The following ASPSCR1 variants were observed in gnomAD, a reference collection of about 807,000 sequenced individuals.
The protein encoded by ASPSCR1 is ASPSCR1 tether for SLC2A4, UBX domain containing.
ASPSCR1 carries 55 observed loss-of-function variants against 68.9 expected under a neutral mutation model. The ratio of observed to expected loss-of-function variants is 0.80; its 90% CI spans 0.64 to 1.00. The LOEUF is 1.00. Among genes scored for constraint, ASPSCR1 ranks in the 50% least tolerant of loss-of-function variants. The pLI, the probability that ASPSCR1 is intolerant of heterozygous loss-of-function variation, is 0.00. For synonymous variants in ASPSCR1, 352 were observed against 332.6 expected, an observed-to-expected ratio of 1.06 and a Z score of -0.63; for missense variants, 765 against 762.2, an observed-to-expected ratio of 1.00 and a Z score of -0.04.
intron 2 of ASPSCR1, among the ~76,000 whole-genome samples, chr17:81,980,996 C>A (rs539716218): frequency 6.6e-6 from 1 of 152,236 alleles, no homozygotes; most frequent in South Asian, 2.1e-4. Flanking sequence ...GAGACCCTGT[C>A]TCTACAAAAA....
chr17:82,013,607 GGCTGCCT>G (rs1251562519), intron 12 of ASPSCR1: 2 of 152,260 alleles, frequency 1.3e-5, no homozygotes, highest in Non-Finnish European at 2.9e-5. Context: ...GCCCCACTCC[GGCTGCCT>G]GCTGCCTGGG....
intron 4 of ASPSCR1, among the ~76,000 whole-genome samples, chr17:81,992,498 G>A (rs2042202586): frequency 6.6e-6 from 1 of 152,236 alleles, no homozygotes; most frequent in South Asian, 2.1e-4. Flanking sequence ...GCCGGGGAAG[G>A]ACTGTGAGTT....
chr17:81,983,140 C>G lies in ASPSCR1; in HGVS notation c.159-414C>G, dbSNP rs999407116. Among the ~76,000 whole-genome samples the G allele has an allele frequency of 2.6e-5, 4 of 152,222 alleles. No homozygotes were observed. Among genetic ancestry groups the G allele is most frequent in the Non-Finnish European group, 4.4e-5 (3 of 68,046 alleles). Reference sequence around the variant, plus strand: ...GATTACAGGCGTGAGCCACTGCGCCCGGGCAGTCAGGTTTTCTGTGGTGGC... The same window carrying G: ...GATTACAGGCGTGAGCCACTGCGCCGGGGCAGTCAGGTTTTCTGTGGTGGC... On this transcript the variant is annotated intron_variant, in intron 2 of 15. Coordinates refer to ENST00000306739, the MANE Select transcript of ASPSCR1 (RefSeq NM_024083.4). The surrounding 1 kb of genome is among the most constrained non-coding windows in gnomAD (Gnocchi z 4.4).
chr17:82,009,557 G>T lies in ASPSCR1; in HGVS notation c.1160G>T (p.Arg387Leu), dbSNP rs1249773314. The change falls in exon 9 of 16, where the codon CGC becomes CTC. Residue 387 changes from arginine to leucine, a missense_variant. By Grantham distance (102) the Arg-to-Leu change is moderately radical. Coordinates refer to ENST00000306739, the MANE Select transcript of ASPSCR1 (RefSeq NM_024083.4). ...REAQIKEKLE[R>L]YPKVALRVLF... ...GCGCAGATAAAGGAGAAGCTGGAGCGCTACCCAAAGGTCTGCAGACAGGAT... is the reference window on the plus strand; with the variant it reads ...GCGCAGATAAAGGAGAAGCTGGAGCTCTACCCAAAGGTCTGCAGACAGGAT... 5 of 1,580,818 alleles carry T rather than the reference G, an allele frequency of 3.2e-6. No individual in the cohort carries two copies. The highest frequency in any genetic ancestry group is 4.3e-6 in the Non-Finnish European group (5 of 1,163,994).
chr17:82,016,313 G>GGCT (rs1198697572), intron 12 of ASPSCR1, 163 bp from the exon 13 acceptor site: 3 of 649,358 alleles, frequency 4.6e-6, no homozygotes, highest in Non-Finnish European at 7.9e-6. Context: ...ACAGGGGTAG[G>GGCT]GCTGGTGTCA....
intron 4 of ASPSCR1, 101 bp from the exon 5 acceptor site, chr17:81,994,720 G>C (rs1391935034): frequency 1.6e-6 from 2 of 1,244,980 alleles, no homozygotes; most frequent in African/African-American, 3.0e-5. Flanking sequence ...TGCTGGGTGA[G>C]GGCCCCACAC....
chr17:81,988,380 G>A (rs1393930853), intron 4 of ASPSCR1, among the ~76,000 whole-genome samples: 5 of 151,836 alleles, frequency 3.3e-5, no homozygotes, highest in Non-Finnish European at 4.4e-5. Context: ...ACTTGAACCC[G>A]GGAGGCGGAG....
chr17:81,990,580 G>A lies in ASPSCR1; in HGVS notation c.375-4241G>A, dbSNP rs148980532. Among the ~76,000 whole-genome samples the A allele has an allele frequency of 2.4e-3, 369 of 152,058 alleles. 10 individuals are homozygous for A. The East Asian group carries it at 0.054, about 22-fold the overall frequency. On this transcript the variant is annotated intron_variant, in intron 4 of 15. Coordinates refer to ENST00000306739, the MANE Select transcript of ASPSCR1 (RefSeq NM_024083.4). This position sits in a 1 kb window ranked among gnomAD's most constrained non-coding sequence, Gnocchi z 4.1. ...CTGAGTTTGGGATCTTCCACGCCGAGCTCTGGGGGACACTGCTCTCTGCCT... is the reference window on the plus strand; with the variant it reads ...CTGAGTTTGGGATCTTCCACGCCGAACTCTGGGGGACACTGCTCTCTGCCT...
intron 5 of ASPSCR1, chr17:81,995,126 C>G: frequency 1.9e-6 from 1 of 519,354 alleles, no homozygotes; most frequent in South Asian, 2.9e-5. Context: ...AAAGTGGTTT[C>G]ATTTAATAAA....
intron 11 of ASPSCR1, 86 bp downstream of exon 11, chr17:82,011,691 C>T (rs578021575): frequency 1.3e-4 from 188 of 1,444,460 alleles, no homozygotes; most frequent in African/African-American, 4.2e-4. Context: ...AGCTGGGGCT[C>T]GTGGCAGCTT....
intron 6 of ASPSCR1, 23 bp downstream of exon 6, chr17:81,996,088 C>T (rs753327169): frequency 2.2e-5 from 34 of 1,574,802 alleles, no homozygotes; most frequent in Middle Eastern, 3.4e-4. Flanking sequence ...CTGCTGGGGC[C>T]GAGGAGTCTA....
At position 82,009,227 on chromosome 17, in the gene ASPSCR1, G is replaced by A. The variant is rs753380156; in HGVS notation, c.1088+36G>A. 16 of 1,559,054 alleles carry A rather than the reference G, an allele frequency of 1.0e-5. No individual in the cohort carries two copies. The Admixed American group carries it at 1.1e-4, about 11-fold the overall frequency. On this transcript the variant is annotated intron_variant, in intron 8 of 15. Transcript: ENST00000306739. ...CCTCAGTGCCTCCCGGCATCTTCGCGCCAGGGTTTGCCCCATCGGGTGCTT... is the reference window on the plus strand; with the variant it reads ...CCTCAGTGCCTCCCGGCATCTTCGCACCAGGGTTTGCCCCATCGGGTGCTT...
intron 7 of ASPSCR1, chr17:82,007,158 C>G (rs926611572): frequency 6.6e-6 from 1 of 152,316 alleles, no homozygotes; most frequent in African/African-American, 2.4e-5. Flanking sequence ...ACCCCAGGCT[C>G]CAGCGAGGCT....
Position 81,977,692 on chromosome 17 carries a change from G to A in ASPSCR1, c.46G>A (p.Ala16Thr). The A allele has an allele frequency of 7.3e-7, 1 of 1,374,668 alleles. No homozygotes were observed. Among genetic ancestry groups the A allele is most frequent in the Non-Finnish European group, 9.5e-7 (1 of 1,057,120 alleles). 85.2% of individuals were successfully genotyped at this position (1,374,668 alleles called of 1,614,324 possible). Residue 16 changes from alanine (A) to threonine (T), a missense_variant, in exon 1 of 16, where the codon GCC becomes ACC. Physicochemically the swap from Ala to Thr is moderately conservative, Grantham distance 58. Coordinates refer to ENST00000306739, the MANE Select transcript of ASPSCR1 (RefSeq NM_024083.4). The surrounding 1 kb of genome is among the most constrained non-coding windows in gnomAD (Gnocchi z 5.0). ...GGGGSAVSVLAPNGRRHTVKV... is the reference protein window; with the variant it reads ...GGGGSAVSVLTPNGRRHTVKV... ...CGGAGGCTCCGCGGTGTCGGTGCTGGCCCCGAACGGCCGGCGCCACACGGT... is the reference window on the plus strand; with the variant it reads ...CGGAGGCTCCGCGGTGTCGGTGCTGACCCCGAACGGCCGGCGCCACACGGT...
chr17:82,010,095 T>TG, intron 9 of ASPSCR1: 1 of 322,716 alleles, frequency 3.1e-6, no homozygotes, highest in Non-Finnish European at 6.1e-6. Flanking sequence ...TTGTTTTTTT[T>TG]TTTTTTACTA....
At chr17:81,989,074 G>A (rs1321431871) in intron 4 of ASPSCR1, among the ~76,000 whole-genome samples, 1 of 152,176 alleles carries the variant, frequency 6.6e-6, no homozygotes, top group East Asian at 1.9e-4. Context: ...TGGGTGTGGT[G>A]GTGAGGGCCT....
intron 7 of ASPSCR1, chr17:82,006,671 G>C (rs936934188): frequency 1.3e-5 from 2 of 152,284 alleles, no homozygotes; most frequent in African/African-American, 2.4e-5. Context: ...GGCTGGGGAG[G>C]GGGGACGGGA....
intron 7 of ASPSCR1, chr17:82,005,716 C>G (rs1283664822): frequency 6.6e-6 from 1 of 152,272 alleles, no homozygotes; most frequent in African/African-American, 2.4e-5. Flanking sequence ...TCCCTGAAAC[C>G]TTCAACCCGA....
chr17:81,993,130 T>C (rs548700010), intron 4 of ASPSCR1, among the ~76,000 whole-genome samples: 8 of 152,108 alleles, frequency 5.3e-5, no homozygotes, highest in Non-Finnish European at 1.0e-4. Context: ...GGGCTGGGCC[T>C]GTCCTGGGTG....
Sources: gnomAD v4.1 joint callset for allele counts (sites outside exome capture counted in the v4.1 genomes callset) on GRCh38, gnomAD v4.1.1 for gene constraint, Gnocchi (gnomAD v3.1) non-coding constraint, MANE v1.5 for transcripts, NCBI Gene and HGNC (gene_info 2026-07-23, HGNC 2026-07-21) for gene names.